DSCAML1: variants seen among roughly 807,000 people sequenced by gnomAD.
The protein encoded by DSCAML1 is cell adhesion molecule DSCAML1.
In DSCAML1, 38 loss-of-function variants were observed where a neutral mutation model predicts 200.5. That is an observed-to-expected ratio of 0.19 (90% CI 0.15 to 0.25). The LOEUF is 0.25. Ranked by LOEUF, DSCAML1 falls within the 10% of genes least tolerant of loss-of-function variation. The probability of loss-of-function intolerance (pLI) is 1.00; values close to 1 mark genes in which losing one functional copy is unlikely to be tolerated. For synonymous variants in DSCAML1, 1,215 were observed against 1,165.0 expected (o/e 1.04, Z -0.87); for missense variants, 2,223 against 2,858.8 (o/e 0.78, Z 5.07).
chr11:117,734,882 T>G, intron 3 of DSCAML1, among the ~76,000 whole-genome samples: 1 of 151,618 alleles, frequency 6.6e-6, no homozygotes, highest in Non-Finnish European at 1.5e-5. Flanking sequence ...AGCAAAAGAG[T>G]GGGCCCAGGG....
intron 21 of DSCAML1, among the ~76,000 whole-genome samples, chr11:117,441,864 A>G (rs1450413305): frequency 6.6e-6 from 1 of 152,108 alleles, no homozygotes; most frequent in Non-Finnish European, 1.5e-5. Context: ...GGGGGCGGTG[A>G]GAAGCCTGGG....
chr11:117,502,754 T>TGCTG (rs2049420266), intron 11 of DSCAML1, among the ~76,000 whole-genome samples: 1 of 152,186 alleles, frequency 6.6e-6, no homozygotes. Context: ...ATGAAATCTT[T>TGCTG]GCTGGCCACT....
chr11:117,649,965 CTTGGCTCAACCTGTCCTCCCT>C (rs2052595476), intron 3 of DSCAML1, among the ~76,000 whole-genome samples: 1 of 152,216 alleles, frequency 6.6e-6, no homozygotes. Flanking sequence ...GAACCCCTTG[CTTGGCTCAACCTGTCCTCCCT>C]TTGGCTGGCA....
intron 3 of DSCAML1, chr11:117,668,388 T>C (rs2053024010): frequency 6.6e-6 from 1 of 152,212 alleles, no homozygotes; most frequent in Non-Finnish European, 1.5e-5. Flanking sequence ...AGCTGCTGAG[T>C]GTCTCGGGAG....
intron 20 of DSCAML1, among the ~76,000 whole-genome samples, chr11:117,444,539 G>A (rs764082308): frequency 1.1e-4 from 16 of 152,320 alleles, no homozygotes; most frequent in South Asian, 4.1e-4. Flanking sequence ...CAGGCAGCAC[G>A]CCCGCCCGTC....
chr11:117,562,265 G>GC (rs997351271), intron 3 of DSCAML1, among the ~76,000 whole-genome samples: 2 of 152,138 alleles, frequency 1.3e-5, no homozygotes, highest in African/African-American at 4.8e-5. Flanking sequence ...TCCCAAGGGA[G>GC]CCCCCCAAGC....
intron 3 of DSCAML1, among the ~76,000 whole-genome samples, chr11:117,726,642 T>C (rs2054136935): frequency 6.6e-6 from 1 of 152,104 alleles, no homozygotes; most frequent in Non-Finnish European, 1.5e-5. Context: ...CCACTCTTTC[T>C]TCGCAAGATC....
chr11:117,623,120 T>G (rs2051970205), intron 3 of DSCAML1, among the ~76,000 whole-genome samples: 1 of 152,210 alleles, frequency 6.6e-6, no homozygotes, highest in Non-Finnish European at 1.5e-5. Flanking sequence ...GAACCCTGGC[T>G]TCTCGTCAAC....
At chr11:117,484,764 G>A (rs570020844) in intron 11 of DSCAML1, among the ~76,000 whole-genome samples, 1 of 152,278 alleles carries the variant, frequency 6.6e-6, no homozygotes, top group Non-Finnish European at 1.5e-5. Flanking sequence ...CTCGGGTGTC[G>A]GGGAGGCTCG....
At chr11:117,625,300 G>A (rs1211756237) in intron 3 of DSCAML1, among the ~76,000 whole-genome samples, 1 of 152,156 alleles carries the variant, frequency 6.6e-6, no homozygotes, top group Admixed American at 6.5e-5. Context: ...AACACCTGCA[G>A]CTCCTTCGCA....
In DSCAML1 at chr11:117,562,484, G is replaced by GTGTT. The variant is rs144025535; in HGVS notation, c.512-29966_512-29963dup. On this transcript the variant is annotated intron_variant, in intron 3 of 32. Coordinates refer to ENST00000651296, the MANE Select transcript of DSCAML1 (RefSeq NM_020693.4). Reference sequence around the variant, plus strand: ...ATGTGACATGTGACTCGCATCAGATGTGTTTAACCCCACTTTGTGAGTGGC... The same window carrying GTGTT: ...ATGTGACATGTGACTCGCATCAGATGTGTTTGTTTAACCCCACTTTGTGAGTGGC... Among the ~76,000 whole-genome samples, 1,462 of 152,308 alleles carry GTGTT rather than the reference G, an allele frequency of 9.6e-3. 19 individuals carry two copies. Among genetic ancestry groups the GTGTT allele is most frequent in the African/African-American group, 0.033 (1,371 of 41,564 alleles).
intron 3 of DSCAML1, among the ~76,000 whole-genome samples, chr11:117,538,165 G>A (rs1330296406): frequency 1.3e-5 from 2 of 152,230 alleles, no homozygotes; most frequent in Admixed American, 6.5e-5. Context: ...GCTGTAGGGA[G>A]TGTCTTATGT....
intron 3 of DSCAML1, among the ~76,000 whole-genome samples, chr11:117,533,028 T>C (rs977091205): frequency 6.6e-6 from 1 of 151,136 alleles, no homozygotes; most frequent in Non-Finnish European, 1.5e-5. Context: ...TAGTCCCAGA[T>C]ACTTGGGAGG....
intron 1 of DSCAML1, among the ~76,000 whole-genome samples, chr11:117,787,308 C>T (rs1426434963): frequency 6.6e-6 from 1 of 152,190 alleles, no homozygotes; most frequent in Non-Finnish European, 1.5e-5. Flanking sequence ...CTGGCACCAC[C>T]TAAGTATTTG....
At chr11:117,764,513 AGCACTCAG>A (rs759471152) in intron 3 of DSCAML1, among the ~76,000 whole-genome samples, 1 of 152,264 alleles carries the variant, frequency 6.6e-6, no homozygotes, top group Non-Finnish European at 1.5e-5. Context: ...GCACACAGGA[AGCACTCAG>A]AAAACATTTG....
At chr11:117,467,744 T>C (rs1401558325) in intron 16 of DSCAML1, among the ~76,000 whole-genome samples, 2 of 152,132 alleles carry the variant, frequency 1.3e-5, no homozygotes, top group East Asian at 3.8e-4. Flanking sequence ...GGGTCTTGTA[T>C]CTACACATGT....
intron 3 of DSCAML1, among the ~76,000 whole-genome samples, chr11:117,578,094 G>A (rs1387204156): frequency 2.6e-5 from 4 of 151,858 alleles, no homozygotes; most frequent in African/African-American, 9.7e-5. Context: ...TATTAGCTGG[G>A]TGTGGTGGTG....
intron 15 of DSCAML1, among the ~76,000 whole-genome samples, chr11:117,470,402 T>C (rs540894637): frequency 6.6e-4 from 100 of 152,112 alleles, no homozygotes; most frequent in Middle Eastern, 3.4e-3. Context: ...GGTGAAACCC[T>C]GTCTCTACTA....
chr11:117,780,662 G>A lies in DSCAML1; in HGVS notation c.195C>T (p.Asp65=), dbSNP rs371370437. Residue 65 remains aspartate, a synonymous_variant, in exon 2 of 33, where the codon GAC becomes GAT. Coordinates refer to ENST00000651296, the MANE Select transcript of DSCAML1 (RefSeq NM_020693.4). This position sits in a 1 kb window ranked among gnomAD's most constrained non-coding sequence, Gnocchi z 4.8. ...AALRWYLATG[D]DIYDVPHIRH... The stretch of plus-strand genomic sequence containing the variant: ...GGATGTGCGGCACGTCGTAGATGTC[G>A]TCCCCTGTGGCCAGGTACCATCGAA... 36 of 1,591,936 alleles carry A rather than the reference G, an allele frequency of 2.3e-5. No individual in the cohort carries two copies. The highest frequency in any genetic ancestry group is 3.4e-5 in the South Asian group (3 of 87,926).
Sources: allele counts gnomAD v4.1 joint callset (sites outside exome capture counted in the v4.1 genomes callset), GRCh38; gene constraint gnomAD v4.1.1; non-coding constraint Gnocchi (gnomAD v3.1); transcripts MANE v1.5; gene names NCBI Gene and HGNC (gene_info 2026-07-23, HGNC 2026-07-21).